KCNIP1: variants seen among roughly 807,000 people sequenced by gnomAD.
The protein encoded by KCNIP1 is A-type potassium channel modulatory protein KCNIP1.
A neutral mutation model predicts 33.0 loss-of-function variants in KCNIP1; 18 were observed. The observed-to-expected ratio is 0.55, with a 90% CI of 0.38 to 0.81. KCNIP1 has a LOEUF of 0.81. Among genes scored for constraint, KCNIP1 ranks in the 30% least tolerant of loss-of-function variants. KCNIP1 has a pLI of 0.00. For missense variants in KCNIP1, 238 were observed against 271.6 expected (o/e 0.88, Z 0.87); for synonymous variants, 93 against 98.3 (o/e 0.95, Z 0.32).
intron 1 of KCNIP1, among the ~76,000 whole-genome samples, chr5:170,427,715 T>G (rs1755645430): frequency 6.6e-6 from 1 of 152,232 alleles, no homozygotes; most frequent in Non-Finnish European, 1.5e-5. Context: ...CTGTGGGGTC[T>G]GCCACCTCCT....
intron 1 of KCNIP1, among the ~76,000 whole-genome samples, chr5:170,591,920 T>C (rs1438901357): frequency 1.3e-5 from 2 of 152,246 alleles, no homozygotes; most frequent in Non-Finnish European, 2.9e-5. Context: ...TGTGCAAATA[T>C]CTAATATTAG....
At position 170,698,990 on chromosome 5, in the gene KCNIP1, A is replaced by T. The variant is rs182564553; in HGVS notation, c.62-19768A>T. On this transcript the variant is annotated intron_variant, in intron 1 of 7. Coordinates refer to ENST00000328939, the MANE Select transcript of KCNIP1 (RefSeq NM_014592.4). ...AGACCTCTCTGCAGAAAAGGGACTG[A>T]CCCCCAAGACAGCCCTGGCCTCTGG... Among the ~76,000 whole-genome samples, 236 of 152,006 alleles carry T rather than the reference A, an allele frequency of 1.6e-3. 3 individuals are homozygous for T. Among genetic ancestry groups the T allele is most frequent in the East Asian group, 9.7e-4 (5 of 5,156 alleles).
At chr5:170,552,578 G>T (rs930248070) in intron 1 of KCNIP1, among the ~76,000 whole-genome samples, 6 of 152,158 alleles carry the variant, frequency 3.9e-5, no homozygotes, top group Non-Finnish European at 5.9e-5. Flanking sequence ...AAGATGGAAG[G>T]CTGCTCCAGA....
At position 170,664,808 on chromosome 5, in the gene KCNIP1, G is replaced by C. The variant is rs1761641975; in HGVS notation, c.62-53950G>C. 2.0e-5 allele frequency among the ~76,000 whole-genome samples: 3 copies of C among 152,268 alleles called. No homozygotes were observed. In the South Asian group the frequency reaches 6.2e-4, roughly 32 times the overall value. On this transcript the variant is annotated intron_variant, in intron 1 of 7. Coordinates refer to ENST00000328939, the MANE Select transcript of KCNIP1 (RefSeq NM_014592.4). ...AAAGAAAACTAAAGCAGGGGCCAGA[G>C]AGCATGGGGGCATTGATGTTTTAGA...
chr5:170,540,543 GCC>G (rs1756161232), intron 1 of KCNIP1, among the ~76,000 whole-genome samples: 5 of 152,146 alleles, frequency 3.3e-5, no homozygotes, highest in Admixed American at 3.3e-4. Context: ...AAATTCACAA[GCC>G]CACCATGTGA....
chr5:170,385,444 C>T, intron 1 of KCNIP1: 1 of 1,614,144 alleles, frequency 6.2e-7, no homozygotes, highest in Non-Finnish European at 8.5e-7. Flanking sequence ...AGCTTCTTCA[C>T]CATATTCACT....
chr5:170,725,002 G>C (rs1763959460), intron 5 of KCNIP1, among the ~76,000 whole-genome samples: 1 of 152,076 alleles, frequency 6.6e-6, no homozygotes, highest in South Asian at 2.1e-4. Flanking sequence ...ATCTGAAAAA[G>C]AACAAAGTTG....
At chr5:170,654,836 G>A (rs1204063839) in intron 1 of KCNIP1, among the ~76,000 whole-genome samples, 1 of 152,156 alleles carries the variant, frequency 6.6e-6, no homozygotes, top group East Asian at 1.9e-4. Flanking sequence ...TTTCTTTATG[G>A]TTTTTGGAAT....
At chr5:170,630,265 G>T (rs149828876) in intron 1 of KCNIP1, among the ~76,000 whole-genome samples, 2 of 152,320 alleles carry the variant, frequency 1.3e-5, no homozygotes, top group East Asian at 3.9e-4. Flanking sequence ...ATAAATGGAC[G>T]GATGGATGGA....
intron 1 of KCNIP1, among the ~76,000 whole-genome samples, chr5:170,537,323 T>C (rs996723177): frequency 6.6e-6 from 1 of 152,090 alleles, no homozygotes; most frequent in African/African-American, 2.4e-5. Flanking sequence ...ATGAGGAAAA[T>C]AGCATTCAAC....
rs542657211 is a variant in KCNIP1, at chr5:170,471,882, G to T, written c.88+117918G>T. Among the ~76,000 whole-genome samples, 4 of 152,286 alleles carry T rather than the reference G, an allele frequency of 2.6e-5. No individual in the cohort carries two copies. The South Asian group carries it at 8.3e-4, about 32-fold the overall frequency. On this transcript the variant is annotated intron_variant, in intron 1 of 7. Coordinates refer to the KCNIP1 transcript ENST00000377360. Reference sequence around the variant, plus strand: ...TTAATAAAACTTAATTATTAAGACAGCCTCACAAGTCATGATACATTTACT... The same window carrying T: ...TTAATAAAACTTAATTATTAAGACATCCTCACAAGTCATGATACATTTACT...
chr5:170,479,116 G>C (rs193091484), intron 1 of KCNIP1, among the ~76,000 whole-genome samples: 1 of 152,332 alleles, frequency 6.6e-6, no homozygotes, highest in African/African-American at 2.4e-5. Context: ...CTAGGGGCTT[G>C]TATTTCTAAG....
intron 5 of KCNIP1, among the ~76,000 whole-genome samples, chr5:170,725,205 T>A (rs920025205): frequency 6.6e-6 from 1 of 152,166 alleles, no homozygotes; most frequent in African/African-American, 2.4e-5. Flanking sequence ...AACCAGTATA[T>A]CAAAGAGATA....
At chr5:170,695,048 G>A (rs191591584) in intron 1 of KCNIP1, among the ~76,000 whole-genome samples, 17 of 152,264 alleles carry the variant, frequency 1.1e-4, no homozygotes, top group Non-Finnish European at 2.1e-4. Flanking sequence ...GGGCAGAGAA[G>A]TGTGACACAG....
intron 1 of KCNIP1, chr5:170,385,235 G>A (rs1764416139): frequency 2.0e-6 from 3 of 1,503,980 alleles, no homozygotes; most frequent in Admixed American, 3.4e-5. Context: ...AGAGGGGTGA[G>A]TAGAAGGCCA....
At chr5:170,512,351 GA>G (rs1254658498) in intron 1 of KCNIP1, among the ~76,000 whole-genome samples, 1 of 152,156 alleles carries the variant, frequency 6.6e-6, no homozygotes, top group Non-Finnish European at 1.5e-5. Context: ...AAAAACACAA[GA>G]ACTTGCTAGT....
chr5:170,675,463 A>G (rs961730895), intron 1 of KCNIP1, among the ~76,000 whole-genome samples: 4 of 152,098 alleles, frequency 2.6e-5, no homozygotes, highest in Non-Finnish European at 4.4e-5. Flanking sequence ...CCTAAAAAAT[A>G]CAAAAATATT....
At chr5:170,479,225 CT>C (rs1192258463) in intron 1 of KCNIP1, among the ~76,000 whole-genome samples, 2 of 152,174 alleles carry the variant, frequency 1.3e-5, no homozygotes, top group African/African-American at 4.8e-5. Flanking sequence ...TCTCAGAGTT[CT>C]GATGGAAAAC....
intron 1 of KCNIP1, among the ~76,000 whole-genome samples, chr5:170,468,861 A>G (rs1341569112): frequency 6.6e-6 from 1 of 151,992 alleles, no homozygotes; most frequent in African/African-American, 2.4e-5. Context: ...TGGAAGACAC[A>G]GTGAGACCCT....
Sources: gnomAD v4.1 joint callset for allele counts (sites outside exome capture counted in the v4.1 genomes callset) on GRCh38, gnomAD v4.1.1 for gene constraint, MANE v1.5 for transcripts, NCBI Gene and HGNC (gene_info 2026-07-23, HGNC 2026-07-21) for gene names.